The following AGAP1 variants were observed in gnomAD, a reference collection of about 807,000 sequenced individuals.
AGAP1 encodes arf-GAP with GTPase, ANK repeat and PH domain-containing protein 1.
A neutral mutation model predicts 105.3 loss-of-function variants in AGAP1; 29 were observed. That is an observed-to-expected ratio of 0.28 (90% confidence interval 0.21 to 0.38). The LOEUF is 0.38. Ranked by LOEUF, AGAP1 falls within the 10% of genes least tolerant of loss-of-function variation. The pLI is 1.00. For missense variants in AGAP1, 998 were observed against 1,165.1 expected (o/e 0.86, Z 2.09); for synonymous variants, 509 against 485.9 (o/e 1.05, Z -0.63).
At chr2:235,819,338 C>G (rs1044889707) in intron 9 of AGAP1, among the ~76,000 whole-genome samples, 4 of 151,814 alleles carry the variant, frequency 2.6e-5, no homozygotes, top group African/African-American at 9.7e-5. Context: ...TGGTCTCAAA[C>G]TCCTGAGCTC....
Position 235,705,084 on chromosome 2 carries a change from T to C in AGAP1, c.164-4095T>C, listed in dbSNP as rs1950473277. Among the ~76,000 whole-genome samples, 1 of 144,258 alleles carries C rather than the reference T, an allele frequency of 6.9e-6. No homozygotes were observed. The highest frequency in any genetic ancestry group is 1.5e-5 in the Non-Finnish European group (1 of 66,468). 94.6% of individuals were successfully genotyped at this position (144,258 alleles called of 152,430 possible). On this transcript the variant is annotated intron_variant, in intron 1 of 17. Coordinates refer to ENST00000304032, the MANE Select transcript of AGAP1 (RefSeq NM_001037131.3). This position sits in a 1 kb window ranked among gnomAD's most constrained non-coding sequence, Gnocchi z 4.9. ...ACCTCTACCTCCCGGGTTCAAGCAC[T>C]TCTCCTGCCTCAGCCTCCCGAGCAG... is the stretch of plus-strand genomic sequence containing the variant.
At chr2:235,570,890 A>G (rs1185134877) in intron 1 of AGAP1, among the ~76,000 whole-genome samples, 1 of 152,242 alleles carries the variant, frequency 6.6e-6, no homozygotes, top group African/African-American at 2.4e-5. Flanking sequence ...CTGTTCTCAC[A>G]CGGCTATAAA....
intron 9 of AGAP1, among the ~76,000 whole-genome samples, chr2:235,836,759 A>G (rs1960211765): frequency 6.6e-6 from 1 of 152,206 alleles, no homozygotes; most frequent in South Asian, 2.1e-4. Flanking sequence ...GACAGCCCTG[A>G]AGAATCAAGT....
At chr2:235,966,025 AG>A (rs1181376817) in intron 12 of AGAP1, among the ~76,000 whole-genome samples, 1 of 132,442 alleles carries the variant, frequency 7.6e-6, no homozygotes, top group African/African-American at 3.0e-5. Flanking sequence ...GATGGAGGAG[AG>A]GGGAGCCTTT....
At chr2:236,067,916 T>C (rs879311061) in intron 16 of AGAP1, among the ~76,000 whole-genome samples, 2 of 152,062 alleles carry the variant, frequency 1.3e-5, no homozygotes, top group Non-Finnish European at 2.9e-5. Context: ...CTGTGCTATC[T>C]CATCTGGCAA....
At chr2:235,813,106 G>C (rs1273579060) in intron 9 of AGAP1, among the ~76,000 whole-genome samples, 1 of 152,186 alleles carries the variant, frequency 6.6e-6, no homozygotes, top group East Asian at 1.9e-4. Context: ...GAACAGTCCA[G>C]AATATCTGGA....
intron 1 of AGAP1, among the ~76,000 whole-genome samples, chr2:235,694,344 T>G (rs891916335): frequency 6.6e-6 from 1 of 152,000 alleles, no homozygotes; most frequent in Admixed American, 6.6e-5. Flanking sequence ...CTGGGCGTGG[T>G]GGCGGGCGCA....
chr2:235,562,569 G>A (rs1944193075), intron 1 of AGAP1, among the ~76,000 whole-genome samples: 1 of 151,942 alleles, frequency 6.6e-6, no homozygotes, highest in Non-Finnish European at 1.5e-5. Context: ...GCTTTCTGGT[G>A]GCCTGGCAGA....
Position 235,608,513 on chromosome 2 carries a change from C to T in AGAP1, c.164-100666C>T, listed in dbSNP as rs901371486. ...CATGTTGGCAGCCTCCCTGGCCCAG[C>T]GTTGGGCTGGGACCCTCTGCCTCTC... On this transcript the variant is annotated intron_variant, in intron 1 of 17. Transcript: ENST00000304032. This position sits in a 1 kb window ranked among gnomAD's most constrained non-coding sequence, Gnocchi z 5.4. 6.6e-6 allele frequency among the ~76,000 whole-genome samples: 1 copy of T among 152,086 alleles called. No individual in the cohort carries two copies. Among genetic ancestry groups the T allele is most frequent in the Non-Finnish European group, 1.5e-5 (1 of 68,016 alleles).
In AGAP1 at chr2:235,974,901, A is replaced by G. The variant is rs72989289; in HGVS notation, c.1645+6278A>G. On this transcript the variant is annotated intron_variant, in intron 13 of 17. Transcript: ENST00000304032. ...AAAACTCGGTTCCTCTCTCTCTCCA[A>G]GGAGTTTAGAGCCTGATTATGGAGA... Among the ~76,000 whole-genome samples, 1,409 of 152,336 alleles carry G rather than the reference A, an allele frequency of 9.2e-3. 15 individuals carry two copies. The highest frequency in any genetic ancestry group is 0.016 in the Non-Finnish European group (1,117 of 68,024).
rs569102692 is a variant in AGAP1, at chr2:235,734,921, C to T, written c.311-6042C>T. Among the ~76,000 whole-genome samples the T allele has an allele frequency of 1.4e-4, 21 of 152,106 alleles. No individual in the cohort carries two copies. The highest frequency in any genetic ancestry group is 4.8e-4 in the African/African-American group (20 of 41,550). The stretch of plus-strand genomic sequence containing the variant: ...CTCTGTGTCTGAACTCCTTTTCCTC[C>T]TGAGTGGATTTGGGTGTTGCCAGTG... On this transcript the variant is annotated intron_variant, in intron 3 of 17. Transcript: ENST00000304032. The surrounding 1 kb of genome is among the most constrained non-coding windows in gnomAD (Gnocchi z 5.3).
chr2:235,497,570 C>G (rs1043414479), intron 1 of AGAP1, among the ~76,000 whole-genome samples: 2 of 152,224 alleles, frequency 1.3e-5, no homozygotes, highest in African/African-American at 4.8e-5. Flanking sequence ...TCTGACTTCC[C>G]AAGCTTCTGG....
At position 235,958,824 on chromosome 2, in the gene AGAP1, C is replaced by CCTCTAGTCATG. The variant is rs2125301563; in HGVS notation, c.1484-9635_1484-9625dup. Among the ~76,000 whole-genome samples the CCTCTAGTCATG allele has an allele frequency of 6.6e-6, 1 of 152,328 alleles. No homozygotes were observed. The highest frequency in any genetic ancestry group is 2.4e-5 in the African/African-American group (1 of 41,576). ...GCGGACGGAATGTTATTTTATTCCC[C>CCTCTAGTCATG]CTCTAGTCATGCTTGTCAGCTCTCC... On this transcript the variant is annotated intron_variant, in intron 12 of 17. Coordinates refer to ENST00000304032, the MANE Select transcript of AGAP1 (RefSeq NM_001037131.3). The surrounding 1 kb of genome is among the most constrained non-coding windows in gnomAD (Gnocchi z 4.1).
chr2:235,756,045 G>A (rs927634040), intron 6 of AGAP1, among the ~76,000 whole-genome samples: 1 of 152,222 alleles, frequency 6.6e-6, no homozygotes, highest in Non-Finnish European at 1.5e-5. Flanking sequence ...AGCATTACAC[G>A]TGCACCTTGG....
rs576404084 is a variant in AGAP1, at chr2:235,518,202, C to G, written c.163+23353C>G. Among the ~76,000 whole-genome samples the G allele has an allele frequency of 2.1e-3, 316 of 152,314 alleles. 1 individual carries two copies. Among genetic ancestry groups the G allele is most frequent in the Non-Finnish European group, 3.9e-3 (265 of 68,034 alleles). ...TGGTTTCACTGTGTTGTTTCTGTAA[C>G]TCTGGTGTTTAATCCACGTGAAGAC... is the stretch of plus-strand genomic sequence containing the variant. On this transcript the variant is annotated intron_variant, in intron 1 of 17. Coordinates refer to ENST00000304032, the MANE Select transcript of AGAP1 (RefSeq NM_001037131.3).
At chr2:235,826,325 C>T (rs1959060736) in intron 9 of AGAP1, among the ~76,000 whole-genome samples, 1 of 152,242 alleles carries the variant, frequency 6.6e-6, no homozygotes, top group South Asian at 2.1e-4. Context: ...TGGGCAGATA[C>T]AGGGCCTGAG....
chr2:236,017,232 G>A (rs981686084), intron 13 of AGAP1, among the ~76,000 whole-genome samples: 3 of 150,286 alleles, frequency 2.0e-5, no homozygotes, highest in African/African-American at 7.4e-5. Context: ...GGCGGAGGTT[G>A]CAGTGAGCCA....
Position 235,750,086 on chromosome 2 carries a change from C to T in AGAP1, c.539-268C>T, listed in dbSNP as rs1347117266. Reference sequence around the variant, plus strand: ...TTTCTAAAGTATGTATCCTCTAGACCCATATTTAAGTCTTTTTCCTTCTTT... The same window carrying T: ...TTTCTAAAGTATGTATCCTCTAGACTCATATTTAAGTCTTTTTCCTTCTTT... On this transcript the variant is annotated intron_variant, in intron 5 of 17. Coordinates refer to ENST00000304032, the MANE Select transcript of AGAP1 (RefSeq NM_001037131.3). The surrounding 1 kb of genome is among the most constrained non-coding windows in gnomAD (Gnocchi z 5.3). Among the ~76,000 whole-genome samples the T allele has an allele frequency of 6.6e-6, 1 of 152,056 alleles. No individual in the cohort carries two copies. The highest frequency in any genetic ancestry group is 1.5e-5 in the Non-Finnish European group (1 of 68,020).
At chr2:235,494,904 C>T in intron 1 of AGAP1, 55 bp downstream of exon 1, 1 of 1,496,134 alleles carries the variant, frequency 6.7e-7, no homozygotes, top group South Asian at 1.2e-5. Flanking sequence ...CGCGGCGCGG[C>T]GGGGGTGTGC....
Sources: gnomAD v4.1 joint callset for allele counts (sites outside exome capture counted in the v4.1 genomes callset) on GRCh38, gnomAD v4.1.1 for gene constraint, Gnocchi (gnomAD v3.1) non-coding constraint, MANE v1.5 for transcripts, NCBI Gene and HGNC (gene_info 2026-07-23, HGNC 2026-07-21) for gene names.